PRIM2: variants seen among roughly 807,000 people sequenced by gnomAD.
PRIM2 encodes DNA primase subunit 2.
PRIM2 carries 39 observed loss-of-function variants against 67.3 expected under a neutral mutation model. That is an observed-to-expected ratio of 0.58 (90% confidence interval 0.45 to 0.76). The LOEUF is 0.76. PRIM2 is among the 30% of genes least tolerant of loss of function. The pLI, the probability that PRIM2 is intolerant of heterozygous loss-of-function variation, is 0.00. For missense variants in PRIM2, 398 were observed against 598.7 expected (o/e 0.66, Z 3.50); for synonymous variants, 143 against 198.7 (o/e 0.72, Z 2.36).
intron 13 of PRIM2, among the ~76,000 whole-genome samples, chr6:57,637,972 A>G (rs1484019776): frequency 2.0e-5 from 3 of 152,212 alleles, no homozygotes; most frequent in Admixed American, 6.5e-5. Flanking sequence ...GTTGAAATGA[A>G]GGAAAAAATG....
chr6:57,417,697 A>G (rs1771314233), intron 7 of PRIM2, among the ~76,000 whole-genome samples: 1 of 152,230 alleles, frequency 6.6e-6, no homozygotes, highest in Non-Finnish European at 1.5e-5. Flanking sequence ...ATAGATCACC[A>G]TAACAGATAA....
At chr6:57,275,845 C>T in the PRIM2 span, among the ~76,000 whole-genome samples, 5 of 152,210 alleles carry the variant, frequency 3.3e-5, no homozygotes, top group Admixed American at 6.5e-5. Context: ...TCCCACCAAA[C>T]GGGTAACAGA....
intron 10 of PRIM2, among the ~76,000 whole-genome samples, chr6:57,575,233 TTC>T (rs1194507191): frequency 1.3e-5 from 2 of 152,224 alleles, no homozygotes; most frequent in African/African-American, 4.8e-5. Flanking sequence ...GATCCATCTT[TTC>T]TCTCTTTCTC....
chr6:57,528,130 A>T (rs1202806464), intron 8 of PRIM2, among the ~76,000 whole-genome samples: 6 of 142,328 alleles, frequency 4.2e-5, no homozygotes, highest in East Asian at 4.1e-4. Flanking sequence ...CACCCAGCTA[A>T]TTTTTTTTTT....
At chr6:57,260,242 A>G in the PRIM2 span, among the ~76,000 whole-genome samples, 9 of 152,354 alleles carry the variant, frequency 5.9e-5, no homozygotes, top group Admixed American at 2.0e-4. Context: ...AAAAGCATAT[A>G]GTGGAGCAGA....
chr6:57,297,639 C>A, the PRIM2 span, among the ~76,000 whole-genome samples: 4 of 152,048 alleles, frequency 2.6e-5, no homozygotes, highest in Non-Finnish European at 5.9e-5. Flanking sequence ...AGTGGAGAAA[C>A]CTAGCAGATA....
At chr6:57,470,926 G>A (rs1428018776) in intron 7 of PRIM2, among the ~76,000 whole-genome samples, 1 of 152,152 alleles carries the variant, frequency 6.6e-6, no homozygotes, top group Non-Finnish European at 1.5e-5. Context: ...GAGGAAGCTA[G>A]AATGAGTCCG....
the PRIM2 span, among the ~76,000 whole-genome samples, chr6:57,255,497 C>CA: frequency 2.2e-3 from 282 of 130,178 alleles, 1 homozygote; most frequent in African/African-American, 2.2e-3. Context: ...GACTCTATCT[C>CA]AAAAAAAAAA....
At chr6:57,595,779 C>T (rs1776355297) in intron 10 of PRIM2, among the ~76,000 whole-genome samples, 1 of 152,182 alleles carries the variant, frequency 6.6e-6, no homozygotes. Flanking sequence ...GTTCCACCCT[C>T]CTATCATCTC....
intron 10 of PRIM2, among the ~76,000 whole-genome samples, chr6:57,576,968 A>G (rs1409680766): frequency 2.0e-5 from 3 of 151,890 alleles, no homozygotes; most frequent in African/African-American, 7.3e-5. Flanking sequence ...GTATAGTTTT[A>G]TAAGACTTGC....
intron 5 of PRIM2, among the ~76,000 whole-genome samples, chr6:57,335,527 A>G (rs966912187): frequency 7.1e-4 from 108 of 152,324 alleles, no homozygotes; most frequent in Non-Finnish European, 2.5e-4. Context: ...GAATGGGCAG[A>G]CTGCCTCCTC....
intron 10 of PRIM2, among the ~76,000 whole-genome samples, chr6:57,591,440 C>T (rs2127488558): frequency 6.6e-6 from 1 of 152,266 alleles, no homozygotes; most frequent in East Asian, 1.9e-4. Flanking sequence ...CTTATGATAA[C>T]TAATCTTCAT....
At chr6:57,372,085 T>G (rs9475897) in intron 5 of PRIM2, among the ~76,000 whole-genome samples, 14,219 of 152,224 alleles carry the variant, frequency 0.093, 1,514 homozygotes, top group African/African-American at 0.26. Context: ...CTGTAATTTG[T>G]GCTCTGACCC....
chr6:57,524,693 C>T (rs1774708873), intron 8 of PRIM2, among the ~76,000 whole-genome samples: 1 of 151,708 alleles, frequency 6.6e-6, no homozygotes, highest in African/African-American at 2.4e-5. Flanking sequence ...AAGAGCAAAA[C>T]TCCGTCTCAA....
At chr6:57,361,584 C>A (rs1287272794) in intron 5 of PRIM2, among the ~76,000 whole-genome samples, 1 of 148,296 alleles carries the variant, frequency 6.7e-6, no homozygotes, top group Non-Finnish European at 1.5e-5. Flanking sequence ...ACCAAGGTAC[C>A]CCAGATTAAT....
chr6:57,408,182 C>G (rs1214359151), intron 7 of PRIM2, among the ~76,000 whole-genome samples: 16 of 152,116 alleles, frequency 1.1e-4, no homozygotes, highest in Admixed American at 4.6e-4. Flanking sequence ...TGTCTCATGC[C>G]CAATTAGATA....
At chr6:57,538,387 C>A (rs1415796504) in intron 10 of PRIM2, among the ~76,000 whole-genome samples, 1 of 152,090 alleles carries the variant, frequency 6.6e-6, no homozygotes, top group Non-Finnish European at 1.5e-5. Context: ...TTTTTAAAAA[C>A]CCTATCTGCA....
intron 10 of PRIM2, among the ~76,000 whole-genome samples, chr6:57,580,713 T>C (rs1776066646): frequency 6.6e-6 from 1 of 152,192 alleles, no homozygotes; most frequent in African/African-American, 2.4e-5. Context: ...TTTTATAACC[T>C]GCTTTAGGGG....
chr6:57,547,200 C>T (rs1360127641), intron 10 of PRIM2, among the ~76,000 whole-genome samples: 1 of 152,144 alleles, frequency 6.6e-6, no homozygotes, highest in African/African-American at 2.4e-5. Flanking sequence ...AAAAAAGCAT[C>T]ACCCTGGGTG....
Sources: gnomAD v4.1 joint callset for allele counts (sites outside exome capture counted in the v4.1 genomes callset) on GRCh38, gnomAD v4.1.1 for gene constraint, MANE v1.5 for transcripts, NCBI Gene and HGNC (gene_info 2026-07-23, HGNC 2026-07-21) for gene names.